The following VPS35 variants were observed in gnomAD, a reference collection of about 807,000 sequenced individuals.
The protein encoded by VPS35 is vacuolar protein sorting-associated protein 35.
A neutral mutation model predicts 98.1 loss-of-function variants in VPS35; 21 were observed. The observed-to-expected ratio is 0.21, with a 90% CI of 0.15 to 0.31. VPS35 has a LOEUF of 0.31. Among genes scored for constraint, VPS35 ranks in the 10% least tolerant of loss-of-function variants. VPS35 has a pLI of 1.00. For missense variants in VPS35, 554 were observed against 950.8 expected (o/e 0.58, Z 5.49); for synonymous variants, 268 against 318.2 (o/e 0.84, Z 1.68).
At position 46,671,868 on chromosome 16, in the gene VPS35, A is replaced by T. The variant is rs1966074938; in HGVS notation, c.1369-8T>A. On this transcript the variant is annotated splice_polypyrimidine_tract_variant and splice_region_variant and intron_variant, in intron 11 of 16. Coordinates refer to ENST00000299138, the MANE Select transcript of VPS35 (RefSeq NM_018206.6). ...ATTCATTATGGAATCCACCTGTAAC[A>T]TGCGAGGCACAAGAAACCCACTGAG... 1.2e-6 allele frequency: 2 copies of T among 1,612,018 alleles called. No individual in the cohort carries two copies. Among genetic ancestry groups the T allele is most frequent in the Non-Finnish European group, 1.7e-6 (2 of 1,179,904 alleles).
intron 7 of VPS35, among the ~76,000 whole-genome samples, chr16:46,676,990 G>C (rs1236225739): frequency 6.6e-6 from 1 of 151,316 alleles, no homozygotes; most frequent in Non-Finnish European, 1.5e-5. Context: ...GTTAGAAACA[G>C]AAAATTCCTA....
rs546485076 is a variant in VPS35 at position 46,663,862 on chromosome 16, ATTTTTTTT to A, written c.1648-708_1648-701del. ...AGGCTTGCATCACCACACCTGGCTA[ATTTTTTTT>A]TTTTTTTTTTTTTTTTTTTTTGTAG... On this transcript the variant is annotated intron_variant, in intron 13 of 16. Coordinates refer to ENST00000299138, the MANE Select transcript of VPS35 (RefSeq NM_018206.6). Among the ~76,000 whole-genome samples the A allele has an allele frequency of 3.5e-4, 10 of 28,686 alleles. 1 individual carries two copies. Among genetic ancestry groups the A allele is most frequent in the East Asian group, 2.8e-3 (2 of 706 alleles). The allele number at this position is 28,686 out of a possible 152,430, so 18.8% of individuals were successfully genotyped here. A position where few individuals can be genotyped will look rare whatever the true frequency, so the allele number is the denominator to read the frequency against.
rs1965859407 is a variant in VPS35 at position 46,658,217 on chromosome 16, T to C, written c.*2255A>G. 6.5e-6 allele frequency: 1 copy of C among 153,438 alleles called. No homozygotes were observed. The highest frequency in any genetic ancestry group is 2.4e-5 in the African/African-American group (1 of 41,428). 9.5% of individuals were successfully genotyped at this position (153,438 alleles called of 1,614,324 possible). On this transcript the variant is annotated 3_prime_UTR_variant, in exon 17 of 17. Transcript: ENST00000299138. ...TATTGGACTTGATGTTCCATGAGAATTCATACAACCCTCTGCAGAACTTCC... is the reference window on the plus strand; with the variant it reads ...TATTGGACTTGATGTTCCATGAGAACTCATACAACCCTCTGCAGAACTTCC...
At position 46,678,949 on chromosome 16, in the gene VPS35, G is replaced by A. The variant is rs759216006; in HGVS notation, c.714C>T (p.Tyr238=). The A allele has an allele frequency of 1.9e-6, 3 of 1,614,032 alleles. No individual in the cohort carries two copies. The South Asian group carries it at 3.3e-5, about 18-fold the overall frequency. The part of the protein sequence containing the change: ...SQLEGVNVER[Y]KQIVLTGILE... ...GTAACAAAAATATATAAACCTGTTT[G>A]TAACGTTCCACATTTACACCTTCCA... Residue 238 remains tyrosine, a synonymous_variant, in exon 6 of 17, where the codon TAC becomes TAT. Transcript: ENST00000299138.
Position 46,661,333 on chromosome 16 carries a change from G to A in VPS35, c.2211+385C>T, listed in dbSNP as rs377058699. 1.3e-5 allele frequency among the ~76,000 whole-genome samples: 2 copies of A among 152,140 alleles called. No individual in the cohort carries two copies. The highest frequency in any genetic ancestry group is 1.9e-4 in the East Asian group (1 of 5,174). ...CAGCCTCCACCTCCCAGGTTCAAGCGATTCTCCTGCCTTAGGCTTCCAAGT... is the reference window on the plus strand; with the variant it reads ...CAGCCTCCACCTCCCAGGTTCAAGCAATTCTCCTGCCTTAGGCTTCCAAGT... On this transcript the variant is annotated intron_variant, in intron 16 of 16. Transcript: ENST00000299138. This position sits in a 1 kb window ranked among gnomAD's most constrained non-coding sequence, Gnocchi z 4.3.
At chr16:46,686,774 G>A (rs1480169541) in intron 1 of VPS35, among the ~76,000 whole-genome samples, 1 of 152,120 alleles carries the variant, frequency 6.6e-6, no homozygotes, top group Admixed American at 6.5e-5. Context: ...GTAAATGACC[G>A]TACTTCACAG....
intron 13 of VPS35, among the ~76,000 whole-genome samples, chr16:46,664,328 T>C (rs1180489957): frequency 6.6e-6 from 1 of 151,820 alleles, no homozygotes; most frequent in East Asian, 1.9e-4. Flanking sequence ...TGCTATTTTT[T>C]GTATTTTTAG....
Position 46,671,919 on chromosome 16 carries a change from T to C in VPS35, c.1369-59A>G. On this transcript the variant is annotated intron_variant, in intron 11 of 16. Coordinates refer to ENST00000299138, the MANE Select transcript of VPS35 (RefSeq NM_018206.6). The stretch of plus-strand genomic sequence containing the variant: ...GTGAAACCATTGGCATACAAAGCCA[T>C]TATCAAAAGTGTTTCCAGTTATAAA... 2.5e-6 allele frequency: 4 copies of C among 1,602,168 alleles called. No individual in the cohort carries two copies. In the East Asian group the frequency reaches 6.7e-5, roughly 27 times the overall value.
At position 46,659,117 on chromosome 16, in the gene VPS35, GGGCCTCTGCCCTCAAGGAAAGGAACTTA is replaced by G. The variant is rs1210177662; in HGVS notation, c.*1327_*1354del. Reference sequence around the variant, plus strand: ...GAAGGGCCGTCAAGGAGAGGAACTGGGGCCTCTGCCCTCAAGGAAAGGAACTTAGGCCTCTGCCCTCAAGGAGAGGAAC... The same window carrying G: ...GAAGGGCCGTCAAGGAGAGGAACTGGGGCCTCTGCCCTCAAGGAGAGGAAC... On this transcript the variant is annotated 3_prime_UTR_variant, in exon 17 of 17. Coordinates refer to ENST00000299138, the MANE Select transcript of VPS35 (RefSeq NM_018206.6). The G allele has an allele frequency of 6.6e-6, 1 of 152,300 alleles. No individual in the cohort carries two copies. The highest frequency in any genetic ancestry group is 1.5e-5 in the Non-Finnish European group (1 of 68,146). 9.4% of individuals were successfully genotyped at this position (152,300 alleles called of 1,614,324 possible).
Position 46,674,360 on chromosome 16 carries a change from C to T in VPS35, c.1114G>A (p.Val372Ile). The T allele has an allele frequency of 6.2e-7, 1 of 1,614,072 alleles. No homozygotes were observed. Among genetic ancestry groups the T allele is most frequent in the Non-Finnish European group, 8.5e-7 (1 of 1,180,000 alleles). The change falls in exon 10 of 17, where the codon GTT (valine) becomes ATT (isoleucine). Residue 372 changes from valine (V) to isoleucine (I), a missense_variant. This residue lies in a region of VPS35 where 254 missense variants were observed against 390.1 expected (regional missense o/e 0.65). Transcript: ENST00000299138. ...AATATCTCCACTGTTGTTTCTAGAA[C>T]TTTATCAACATAGTCCACACGATCA... ...YPDRVDYVDK[V>I]LETTVEIFNK... is the part of the protein sequence containing the mutation.
In VPS35 at chr16:46,660,441, A is replaced by G; in HGVS notation, c.*31T>C. 1.2e-6 allele frequency: 2 copies of G among 1,611,340 alleles called. No individual in the cohort carries two copies. The highest frequency in any genetic ancestry group is 1.7e-6 in the Non-Finnish European group (2 of 1,179,590). ...GTAATAAAACCCTCACTGGATGTAC[A>G]TGGAAAGGAGTATGGTGAGCTATTT... is the stretch of plus-strand genomic sequence containing the variant. On this transcript the variant is annotated 3_prime_UTR_variant, in exon 17 of 17. Coordinates refer to ENST00000299138, the MANE Select transcript of VPS35 (RefSeq NM_018206.6).
chr16:46,668,886 T>A, intron 13 of VPS35, 44 bp downstream of exon 13: 1 of 1,611,760 alleles, frequency 6.2e-7, no homozygotes, highest in Non-Finnish European at 8.5e-7. Flanking sequence ...CTCAGAGTGA[T>A]GAAAGAGGAA....
In VPS35 at chr16:46,671,992, C is replaced by T. The variant is rs1567265796; in HGVS notation, c.1369-132G>A. On this transcript the variant is annotated intron_variant, in intron 11 of 16. Coordinates refer to ENST00000299138, the MANE Select transcript of VPS35 (RefSeq NM_018206.6). ...ATATTCCTTTTTTTGGTGAGAAAGTCGATACACATGTATGTCATACACACA... is the reference window on the plus strand; with the variant it reads ...ATATTCCTTTTTTTGGTGAGAAAGTTGATACACATGTATGTCATACACACA... The T allele has an allele frequency of 4.8e-5, 61 of 1,264,776 alleles. No individual in the cohort carries two copies. In the South Asian group the frequency reaches 6.0e-4, roughly 12 times the overall value. The allele number at this position is 1,264,776 out of a possible 1,614,324, so 78.3% of individuals were successfully genotyped here. A position where few individuals can be genotyped will look rare whatever the true frequency, so the allele number is the denominator to read the frequency against.
chr16:46,663,258 G>T, intron 13 of VPS35, 96 bp from the exon 14 acceptor site: 1 of 1,155,894 alleles, frequency 8.7e-7, no homozygotes, highest in Non-Finnish European at 1.2e-6. Context: ...TAAGTTGTGT[G>T]CACAGTTTTC....
At chr16:46,664,708 A>ACGGGGTTTCTC (rs1965963755) in intron 13 of VPS35, among the ~76,000 whole-genome samples, 1 of 151,448 alleles carries the variant, frequency 6.6e-6, no homozygotes, top group Admixed American at 6.6e-5. Context: ...TTTAGTAGAG[A>ACGGGGTTTCTC]CGGGGTTTCT....
chr16:46,688,961 G>C, intron 1 of VPS35, 170 bp downstream of exon 1: 1 of 1,504,778 alleles, frequency 6.6e-7, no homozygotes, highest in Non-Finnish European at 8.9e-7. Flanking sequence ...GGATCAGCCT[G>C]CCCGCGGCCT....
chr16:46,678,215 A>G (rs1308063448), intron 6 of VPS35, among the ~76,000 whole-genome samples: 2 of 151,172 alleles, frequency 1.3e-5, no homozygotes, highest in Non-Finnish European at 2.9e-5. Flanking sequence ...CACTGTTATT[A>G]GTTGTAGACT....
Position 46,661,521 on chromosome 16 carries a change from C to G in VPS35, c.2211+197G>C. 1 of 549,484 alleles carries G rather than the reference C, an allele frequency of 1.8e-6. No individual in the cohort carries two copies. Among genetic ancestry groups the G allele is most frequent in the South Asian group, 2.0e-5 (1 of 49,488 alleles). 34.0% of individuals were successfully genotyped at this position (549,484 alleles called of 1,614,324 possible). On this transcript the variant is annotated intron_variant, in intron 16 of 16. Coordinates refer to ENST00000299138, the MANE Select transcript of VPS35 (RefSeq NM_018206.6). This position sits in a 1 kb window ranked among gnomAD's most constrained non-coding sequence, Gnocchi z 4.3. ...CTGGGATTACAGGCATGAGCCACCA[C>G]GCCCAGCCTAGGAATTATCTTAAAC... is the stretch of plus-strand genomic sequence containing the variant.
In VPS35 at chr16:46,680,775, T is replaced by C. The variant is rs1194487718; in HGVS notation, c.402A>G (p.Val134=). ...GATGTTGCACACCACGGCACATTTC[T>C]ACCAAATCTTTCAAAATATCCTTCC... ...QSRKDILKDL[V]EMCRGVQHPL... The change falls in exon 5 of 17, where the codon GTA becomes GTG. Residue 134 remains valine, a synonymous_variant. Transcript: ENST00000299138. 6.2e-7 allele frequency: 1 copy of C among 1,614,094 alleles called. No individual in the cohort carries two copies. The highest frequency in any genetic ancestry group is 8.5e-7 in the Non-Finnish European group (1 of 1,179,956).
Sources: allele counts gnomAD v4.1 joint callset (sites outside exome capture counted in the v4.1 genomes callset), GRCh38; gene constraint gnomAD v4.1.1; regional missense constraint gnomAD v4.1.1; non-coding constraint Gnocchi (gnomAD v3.1); transcripts MANE v1.5; gene names NCBI Gene and HGNC (gene_info 2026-07-23, HGNC 2026-07-21).